The following PLEKHH2 variants were observed in gnomAD, a reference collection of about 807,000 sequenced individuals.
The protein encoded by PLEKHH2 is pleckstrin homology domain-containing family H member 2.
In PLEKHH2, 129 loss-of-function variants were observed where a neutral mutation model predicts 187.9. The observed-to-expected ratio is 0.69, with a 90% CI of 0.59 to 0.79. PLEKHH2 has a LOEUF of 0.79. PLEKHH2 is among the 30% of genes least tolerant of loss of function. The pLI is 0.00. For missense variants in PLEKHH2, 2,076 were observed against 1,751.2 expected, an observed-to-expected ratio of 1.19 and a Z score of -3.31; for synonymous variants, 686 against 605.6, an observed-to-expected ratio of 1.13 and a Z score of -1.95.
intron 2 of PLEKHH2, among the ~76,000 whole-genome samples, chr2:43,648,457 G>T (rs1173301914): frequency 6.6e-6 from 1 of 152,010 alleles, no homozygotes; most frequent in Non-Finnish European, 1.5e-5. Context: ...AAAGTGCTGG[G>T]ATTACAGGCG....
chr2:43,740,527 A>G (rs979376383), intron 20 of PLEKHH2, among the ~76,000 whole-genome samples: 5 of 152,230 alleles, frequency 3.3e-5, no homozygotes, highest in African/African-American at 9.6e-5. Flanking sequence ...ATGTAGATAC[A>G]TACGTGTGTG....
chr2:43,675,659 T>A, intron 2 of PLEKHH2: 2 of 1,614,002 alleles, frequency 1.2e-6, no homozygotes, highest in Non-Finnish European at 1.7e-6. Flanking sequence ...TTCAGGCATA[T>A]TGCCAGCTGC....
At chr2:43,736,852 G>A (rs969378779) in intron 19 of PLEKHH2, among the ~76,000 whole-genome samples, 2 of 152,076 alleles carry the variant, frequency 1.3e-5, no homozygotes, top group Non-Finnish European at 2.9e-5. Context: ...TCACAGGGCT[G>A]AGAGGAGAGA....
intron 16 of PLEKHH2, among the ~76,000 whole-genome samples, chr2:43,725,461 G>C (rs1002361296): frequency 6.6e-6 from 1 of 152,156 alleles, no homozygotes; most frequent in Non-Finnish European, 1.5e-5. Flanking sequence ...TCTTATCTGT[G>C]TTTCACTGTC....
Position 43,762,337 on chromosome 2 carries a change from T to C in PLEKHH2, c.4105T>C (p.Leu1369=). 6.2e-7 allele frequency: 1 copy of C among 1,613,288 alleles called. No individual in the cohort carries two copies. The highest frequency in any genetic ancestry group is 8.5e-7 in the Non-Finnish European group (1 of 1,179,290). Residue 1369 remains leucine, a synonymous_variant, in exon 28 of 30, where the codon TTG becomes CTG. Transcript: ENST00000282406. ...ITPSSLGSTF[L]WLAVHEDGLS... ...TCCATCATCACTTGGAAGTACTTTCTTGTGGCTGGCTGTACATGAGGATGG... is the reference window on the plus strand; with the variant it reads ...TCCATCATCACTTGGAAGTACTTTCCTGTGGCTGGCTGTACATGAGGATGG...
chr2:43,765,529 A>C lies in PLEKHH2; in HGVS notation c.4413A>C (p.Gln1471His). The C allele has an allele frequency of 6.2e-7, 1 of 1,614,040 alleles. No homozygotes were observed. The highest frequency in any genetic ancestry group is 8.5e-7 in the Non-Finnish European group (1 of 1,179,986). The change falls in exon 30 of 30, where the codon CAA (glutamine) becomes CAC (histidine). Residue 1471 changes from glutamine to histidine, a missense_variant. Coordinates refer to ENST00000282406, the MANE Select transcript of PLEKHH2 (RefSeq NM_172069.4). ...TCTCAGCCCAGACCCGGGGACCCCA[A>C]GCCAGAATGATGGGAAGCCAGCCTC... ...ALLSAQTRGP[Q>H]ARMMGSQPLL... is the part of the protein sequence containing the mutation.
At chr2:43,708,452 G>A (rs72871621) in intron 11 of PLEKHH2, among the ~76,000 whole-genome samples, 4,727 of 152,198 alleles carry the variant, frequency 0.031, 107 homozygotes, top group African/African-American at 0.06. Flanking sequence ...CTAGATGTCC[G>A]TATAGCTGAC....
chr2:43,721,632 C>G (rs139036314), intron 16 of PLEKHH2, among the ~76,000 whole-genome samples: 1,672 of 152,278 alleles, frequency 0.011, 32 homozygotes, highest in African/African-American at 0.038. Context: ...GCCTATAATC[C>G]CAGCACTTTG....
At chr2:43,760,060 C>T (rs772996105) in intron 27 of PLEKHH2, among the ~76,000 whole-genome samples, 46 of 152,106 alleles carry the variant, frequency 3.0e-4, no homozygotes, top group East Asian at 1.4e-3. Context: ...AATGTACTTA[C>T]GGGAAGTTGA....
At chr2:43,681,084 G>T in intron 3 of PLEKHH2, 1 of 1,173,010 alleles carries the variant, frequency 8.5e-7, no homozygotes, top group Non-Finnish European at 1.2e-6. Flanking sequence ...TCCACTATTT[G>T]AATGCCAACC....
chr2:43,706,810 T>A (rs1478420722), intron 10 of PLEKHH2, among the ~76,000 whole-genome samples: 1 of 152,252 alleles, frequency 6.6e-6, no homozygotes, highest in Non-Finnish European at 1.5e-5. Context: ...GACAACCTTA[T>A]ATTTTCAGGC....
rs185490940 is a variant in PLEKHH2, at chr2:43,655,139, C to T, written c.123+10343C>T. ...GAGGATCGCCTGAGCCCAGAAGTTCCGGGGGCTGCAGTGCTATAATGATGC... is the reference window on the plus strand; with the variant it reads ...GAGGATCGCCTGAGCCCAGAAGTTCTGGGGGCTGCAGTGCTATAATGATGC... On this transcript the variant is annotated intron_variant, in intron 2 of 29. Coordinates refer to ENST00000282406, the MANE Select transcript of PLEKHH2 (RefSeq NM_172069.4). Among the ~76,000 whole-genome samples the T allele has an allele frequency of 3.8e-4, 57 of 151,878 alleles. 1 individual carries two copies. The highest frequency in any genetic ancestry group is 1.3e-3 in the African/African-American group (53 of 41,408).
intron 2 of PLEKHH2, 105 bp from the exon 3 acceptor site, chr2:43,678,758 G>GCA: frequency 6.6e-6 from 5 of 751,982 alleles, no homozygotes; most frequent in African/African-American, 1.8e-5. Flanking sequence ...AGGTGGAGGT[G>GCA]GAGGTGGAGG....
chr2:43,765,340 C>G, intron 29 of PLEKHH2, 73 bp from the exon 30 acceptor site: 1 of 1,463,274 alleles, frequency 6.8e-7, no homozygotes, highest in Non-Finnish European at 9.3e-7. Context: ...TCACCTGTGG[C>G]CAACACTTTA....
intron 19 of PLEKHH2, among the ~76,000 whole-genome samples, chr2:43,736,427 T>G (rs1671297525): frequency 6.6e-6 from 1 of 152,184 alleles, no homozygotes; most frequent in Admixed American, 6.6e-5. Context: ...TGCAGCTTAC[T>G]GTCTGGAGAG....
intron 2 of PLEKHH2, chr2:43,676,344 T>C (rs4952995): frequency 0.69 from 1,074,824 of 1,559,908 alleles, 375,700 homozygotes; most frequent in Middle Eastern, 0.73. Flanking sequence ...TAGGACAGTG[T>C]GCCAGGGTCA....
intron 24 of PLEKHH2, among the ~76,000 whole-genome samples, chr2:43,748,582 C>G (rs2104608420): frequency 6.6e-6 from 1 of 152,308 alleles, no homozygotes; most frequent in South Asian, 2.1e-4. Context: ...GGGGGTGGAG[C>G]CCAGGAGTCC....
intron 2 of PLEKHH2, among the ~76,000 whole-genome samples, chr2:43,658,128 T>G (rs1188960959): frequency 6.6e-6 from 1 of 152,248 alleles, no homozygotes; most frequent in Non-Finnish European, 1.5e-5. Context: ...CATATAGGCC[T>G]TAGGCAATTA....
intron 2 of PLEKHH2, among the ~76,000 whole-genome samples, chr2:43,655,289 C>T (rs1017587471): frequency 5.9e-5 from 9 of 151,794 alleles, no homozygotes; most frequent in Non-Finnish European, 8.8e-5. Context: ...TAATTAAAAA[C>T]AACAAAAAAA....
Sources: gnomAD v4.1 joint callset for allele counts (sites outside exome capture counted in the v4.1 genomes callset) on GRCh38, gnomAD v4.1.1 for gene constraint, MANE v1.5 for transcripts, NCBI Gene and HGNC (gene_info 2026-07-23, HGNC 2026-07-21) for gene names.